Variants in TMEM163 observed in about 807,000 individuals in gnomAD.
TMEM163 encodes transmembrane protein 163.
A neutral mutation model predicts 29.3 loss-of-function variants in TMEM163; 17 were observed. That is an observed-to-expected ratio of 0.58 (90% CI 0.40 to 0.87). TMEM163 has a LOEUF of 0.87. Among genes scored for constraint, TMEM163 ranks in the 40% least tolerant of loss-of-function variants. TMEM163 has a pLI of 0.00. For synonymous variants in TMEM163, 157 were observed against 160.6 expected (o/e 0.98, Z 0.17); for missense variants, 303 against 381.5 (o/e 0.79, Z 1.71).
In TMEM163 at chr2:134,524,444, T is replaced by C. The variant is rs1195660374; in HGVS notation, c.459-21447A>G. Among the ~76,000 whole-genome samples the C allele has an allele frequency of 4.7e-5, 7 of 147,436 alleles. 1 individual carries two copies. Among genetic ancestry groups the C allele is most frequent in the African/African-American group, 1.5e-4 (6 of 40,172 alleles). ...TTTGTTACATAGGTAACATGTGCCATGGTGGTTTGCTGCACCCATCAACAC... is the reference window on the plus strand; with the variant it reads ...TTTGTTACATAGGTAACATGTGCCACGGTGGTTTGCTGCACCCATCAACAC... On this transcript the variant is annotated intron_variant, in intron 4 of 7. Transcript: ENST00000281924.
At position 134,460,402 on chromosome 2, in the gene TMEM163, A is replaced by C. The variant is rs980241130; in HGVS notation, c.668-2229T>G. Among the ~76,000 whole-genome samples the C allele has an allele frequency of 1.3e-5, 2 of 151,982 alleles. No individual in the cohort carries two copies. The highest frequency in any genetic ancestry group is 2.9e-5 in the Non-Finnish European group (2 of 67,980). ...CCACCACTCCCTCCTGCCTCCAGCT[A>C]ACAGGCGAGCTTTGCCATTTTAACC... On this transcript the variant is annotated intron_variant, in intron 6 of 7. Coordinates refer to ENST00000281924, the MANE Select transcript of TMEM163 (RefSeq NM_030923.5). This position sits in a 1 kb window ranked among gnomAD's most constrained non-coding sequence, Gnocchi z 4.3.
At chr2:134,517,681 G>C (rs1448193006) in intron 4 of TMEM163, among the ~76,000 whole-genome samples, 4 of 152,152 alleles carry the variant, frequency 2.6e-5, no homozygotes, top group South Asian at 2.1e-4. Context: ...TCCTCATGTT[G>C]AAAGTTAGCC....
intron 2 of TMEM163, among the ~76,000 whole-genome samples, chr2:134,622,939 A>T (rs1682773706): frequency 6.6e-6 from 1 of 151,860 alleles, no homozygotes; most frequent in African/African-American, 2.4e-5. Context: ...AATTTTTTGT[A>T]TTTTCAGTAG....
chr2:134,701,916 CAAAAAAAAAAA>C (rs71301801), intron 2 of TMEM163, among the ~76,000 whole-genome samples: 2 of 66,558 alleles, frequency 3.0e-5, no homozygotes, highest in African/African-American at 9.4e-5. Context: ...AAAACTGTCT[CAAAAAAAAAAA>C]AAAAAAAAAA....
intron 5 of TMEM163, among the ~76,000 whole-genome samples, chr2:134,470,757 T>A (rs1686781164): frequency 6.6e-6 from 1 of 152,198 alleles, no homozygotes. Flanking sequence ...GCTCTGTGAT[T>A]ACCCTACCCA....
chr2:134,643,805 G>A (rs1242158875), intron 2 of TMEM163, among the ~76,000 whole-genome samples: 1 of 151,894 alleles, frequency 6.6e-6, no homozygotes, highest in Non-Finnish European at 1.5e-5. Context: ...ATACAGATAG[G>A]AAAGGAAGAA....
intron 2 of TMEM163, among the ~76,000 whole-genome samples, chr2:134,670,433 G>T (rs961174153): frequency 6.6e-6 from 1 of 152,166 alleles, no homozygotes; most frequent in African/African-American, 2.4e-5. Flanking sequence ...CACTGGCAGG[G>T]CTGGGCAAGA....
At chr2:134,612,646 T>G (rs1407161961) in intron 2 of TMEM163, among the ~76,000 whole-genome samples, 2 of 151,766 alleles carry the variant, frequency 1.3e-5, no homozygotes, top group Non-Finnish European at 2.9e-5. Flanking sequence ...TAATCACTAG[T>G]GGACGACTAA....
chr2:134,508,745 C>T (rs1023325657), intron 4 of TMEM163, among the ~76,000 whole-genome samples: 1 of 152,050 alleles, frequency 6.6e-6, no homozygotes, highest in African/African-American at 2.4e-5. Flanking sequence ...TCATTTCTTC[C>T]CTCAACTCTC....
chr2:134,456,616 A>C lies in TMEM163; in HGVS notation c.*100T>G. 1.4e-6 allele frequency: 2 copies of C among 1,419,492 alleles called. No individual in the cohort carries two copies. The highest frequency in any genetic ancestry group is 2.0e-6 in the Non-Finnish European group (2 of 1,024,330). 87.9% of individuals were successfully genotyped at this position (1,419,492 alleles called of 1,614,324 possible). On this transcript the variant is annotated 3_prime_UTR_variant, in exon 8 of 8. Coordinates refer to ENST00000281924, the MANE Select transcript of TMEM163 (RefSeq NM_030923.5). Reference sequence around the variant, plus strand: ...TTGTAATGACAAACCATGTGAAAGAAAACTTCCAAAAAGAAACCAGATGTT... The same window carrying C: ...TTGTAATGACAAACCATGTGAAAGACAACTTCCAAAAAGAAACCAGATGTT...
Position 134,562,036 on chromosome 2 carries a change from A to G in TMEM163, c.323-9945T>C, listed in dbSNP as rs74685543. ...GAGATGGGGATAAAATTTATAGAAC[A>G]GAACTTTCGCATTTTATCTTCTCTT... On this transcript the variant is annotated intron_variant, in intron 2 of 7. Transcript: ENST00000281924. Among the ~76,000 whole-genome samples the G allele has an allele frequency of 3.3e-3, 498 of 152,346 alleles. 6 individuals carry two copies. The highest frequency in any genetic ancestry group is 0.012 in the African/African-American group (480 of 41,570).
intron 2 of TMEM163, among the ~76,000 whole-genome samples, chr2:134,626,772 T>C (rs1358491288): frequency 1.3e-5 from 2 of 152,234 alleles, no homozygotes; most frequent in East Asian, 3.9e-4. Context: ...TTCCAGCTTA[T>C]GGGTAGGTCA....
intron 5 of TMEM163, among the ~76,000 whole-genome samples, chr2:134,478,538 T>C (rs1686971097): frequency 6.6e-6 from 1 of 152,208 alleles, no homozygotes; most frequent in Non-Finnish European, 1.5e-5. Flanking sequence ...CCTAGGAATC[T>C]GTGGAAGTTT....
chr2:134,536,704 G>A (rs933591521), intron 4 of TMEM163, among the ~76,000 whole-genome samples: 7 of 152,110 alleles, frequency 4.6e-5, no homozygotes, highest in Non-Finnish European at 1.0e-4. Flanking sequence ...TACAGTGCCC[G>A]AAGCATACTA....
chr2:134,550,083 G>A (rs955875913), intron 4 of TMEM163, among the ~76,000 whole-genome samples: 8 of 152,130 alleles, frequency 5.3e-5, no homozygotes, highest in African/African-American at 9.7e-5. Flanking sequence ...AGTCACAAAC[G>A]TTAAGTCCTT....
intron 2 of TMEM163, among the ~76,000 whole-genome samples, chr2:134,690,442 T>C (rs147950461): frequency 3.3e-5 from 5 of 152,156 alleles, no homozygotes; most frequent in Admixed American, 6.5e-5. Flanking sequence ...TGTGCCACCA[T>C]ACCTGGCTAA....
intron 3 of TMEM163, 98 bp from the exon 4 acceptor site, chr2:134,550,759 T>C (rs1432018946): frequency 1.7e-6 from 2 of 1,165,798 alleles, no homozygotes; most frequent in Non-Finnish European, 2.6e-6. Context: ...AACATCTGCA[T>C]GAGTAAACTC....
At chr2:134,626,093 GCTT>G (rs1440408386) in intron 2 of TMEM163, among the ~76,000 whole-genome samples, 4 of 111,218 alleles carry the variant, frequency 3.6e-5, no homozygotes, top group Non-Finnish European at 7.3e-5. Flanking sequence ...TACTTTTCCA[GCTT>G]TTTTTTTTTT....
chr2:134,718,240 G>A (rs1685079547), intron 1 of TMEM163, among the ~76,000 whole-genome samples: 3 of 152,232 alleles, frequency 2.0e-5, no homozygotes. Flanking sequence ...CCTTCGCCGG[G>A]GCGGGCAGCC....
Sources: gnomAD v4.1 joint callset for allele counts (sites outside exome capture counted in the v4.1 genomes callset) on GRCh38, gnomAD v4.1.1 for gene constraint, Gnocchi (gnomAD v3.1) non-coding constraint, MANE v1.5 for transcripts, NCBI Gene and HGNC (gene_info 2026-07-23, HGNC 2026-07-21) for gene names.